The following TTLL5 variants were observed in gnomAD, a reference collection of about 807,000 sequenced individuals.
TTLL5 encodes the protein tubulin tyrosine ligase like 5.
In TTLL5, 132 loss-of-function variants were observed where a neutral mutation model predicts 168.4. That is an observed-to-expected ratio of 0.78 (90% CI 0.68 to 0.91). The LOEUF (loss-of-function observed/expected upper bound fraction) is 0.91, where lower values mean the gene tolerates loss of function less well. Ranked by LOEUF, TTLL5 falls within the 40% of genes least tolerant of loss-of-function variation. TTLL5 has a pLI of 0.00. For synonymous variants in TTLL5, 546 were observed against 558.6 expected (o/e 0.98, Z 0.32); for missense variants, 1,545 against 1,581.5 (o/e 0.98, Z 0.39).
In TTLL5 at chr14:75,719,840, CT is replaced by C; in HGVS notation, c.934+19del. 2 of 1,610,722 alleles carry C rather than the reference CT, an allele frequency of 1.2e-6. No individual in the cohort carries two copies. Among genetic ancestry groups the C allele is most frequent in the African/African-American group, 1.3e-5 (1 of 74,946 alleles). On this transcript the variant is annotated intron_variant, in intron 11 of 31. Coordinates refer to ENST00000298832, the MANE Select transcript of TTLL5 (RefSeq NM_015072.5). ...GAGATACAACCGGTGAGTACTGGGC[CT>C]TTTTCCTTCTTGACTTCTCTTCTTT...
intron 31 of TTLL5, among the ~76,000 whole-genome samples, chr14:75,946,542 C>G (rs768965683): frequency 3.9e-5 from 6 of 152,284 alleles, no homozygotes; most frequent in South Asian, 2.1e-4. Context: ...ACTCAATGTT[C>G]CAGTGAAGGT....
chr14:75,677,245 T>A (rs1311814838), intron 3 of TTLL5, among the ~76,000 whole-genome samples: 1 of 152,178 alleles, frequency 6.6e-6, no homozygotes, highest in African/African-American at 2.4e-5. Flanking sequence ...ATGCAGTAAC[T>A]ACTGTTATTA....
intron 27 of TTLL5, among the ~76,000 whole-genome samples, chr14:75,806,196 A>G (rs1893644965): frequency 6.6e-6 from 1 of 151,920 alleles, no homozygotes; most frequent in African/African-American, 2.4e-5. Flanking sequence ...ATGCCGGGCT[A>G]ATTTTTGTAT....
intron 7 of TTLL5, among the ~76,000 whole-genome samples, chr14:75,705,914 T>TA (rs1276130070): frequency 6.6e-6 from 1 of 152,094 alleles, no homozygotes; most frequent in Non-Finnish European, 1.5e-5. Context: ...GAATCCACAA[T>TA]AATTTCCTGC....
intron 31 of TTLL5, among the ~76,000 whole-genome samples, chr14:75,949,655 C>G (rs1233080293): frequency 1.3e-5 from 2 of 151,496 alleles, no homozygotes; most frequent in Admixed American, 6.6e-5. Flanking sequence ...TCAAGACCAG[C>G]CTGGGCAACA....
At chr14:75,906,732 T>G (rs1384750350) in intron 31 of TTLL5, 1 of 983,320 alleles carries the variant, frequency 1.0e-6, no homozygotes, top group Non-Finnish European at 1.2e-6. Context: ...GACTTTATAC[T>G]ACAGCAAGAG....
chr14:75,882,862 G>C lies in TTLL5; in HGVS notation c.3700G>C (p.Glu1234Gln). 1 of 1,614,048 alleles carries C rather than the reference G, an allele frequency of 6.2e-7. No homozygotes were observed. The highest frequency in any genetic ancestry group is 8.5e-7 in the Non-Finnish European group (1 of 1,180,002). Residue 1234 changes from glutamate (E) to glutamine (Q), a missense_variant, in exon 30 of 32, where the codon GAA becomes CAA. By Grantham distance (29) the Glu-to-Gln change is conservative. Transcript: ENST00000298832. ...GGTTCCCAAACCCCCACCCAACCAC[G>C]AACAAGTGCTCAGAAGGGCAACATC... ...SLVPKPPPNH[E>Q]QVLRRATSQK...
At chr14:75,862,620 G>A (rs2030112229) in intron 28 of TTLL5, among the ~76,000 whole-genome samples, 1 of 152,146 alleles carries the variant, frequency 6.6e-6, no homozygotes, top group Admixed American at 6.5e-5. Context: ...ACTTCTGCTA[G>A]GAAGTACACA....
intron 28 of TTLL5, among the ~76,000 whole-genome samples, chr14:75,856,268 C>T (rs1032079243): frequency 6.6e-6 from 1 of 152,128 alleles, no homozygotes; most frequent in African/African-American, 2.4e-5. Context: ...GAGGCTGAGG[C>T]AGGAGAATTG....
At chr14:75,724,876 G>A (rs1888093040) in intron 12 of TTLL5, among the ~76,000 whole-genome samples, 1 of 152,148 alleles carries the variant, frequency 6.6e-6, no homozygotes, top group African/African-American at 2.4e-5. Flanking sequence ...AGATACAACT[G>A]GCTATGAGAA....
At chr14:75,884,757 G>A (rs908554073) in intron 30 of TTLL5, among the ~76,000 whole-genome samples, 9 of 152,004 alleles carry the variant, frequency 5.9e-5, no homozygotes, top group Admixed American at 2.0e-4. Flanking sequence ...AATGTACAGC[G>A]TTTTGGGGAC....
chr14:75,700,866 A>C (rs1223024434), intron 7 of TTLL5, among the ~76,000 whole-genome samples: 4 of 151,996 alleles, frequency 2.6e-5, no homozygotes, highest in Non-Finnish European at 5.9e-5. Flanking sequence ...TGGGATTCTG[A>C]AATTTAACCA....
At chr14:75,776,886 T>G (rs1177434655) in intron 23 of TTLL5, 36 bp downstream of exon 23, 2 of 1,499,222 alleles carry the variant, frequency 1.3e-6, no homozygotes, top group South Asian at 2.3e-5. Context: ...AGCTGTCTTA[T>G]TCCATCTTCC....
chr14:75,887,551 T>A (rs1197458163), intron 30 of TTLL5, among the ~76,000 whole-genome samples: 3 of 152,212 alleles, frequency 2.0e-5, no homozygotes, highest in Non-Finnish European at 4.4e-5. Context: ...AAAATGTTTT[T>A]GGTAGAAGAT....
intron 31 of TTLL5, among the ~76,000 whole-genome samples, chr14:75,926,095 A>AGAGGGT (rs1207264099): frequency 1.5e-5 from 2 of 132,610 alleles, no homozygotes; most frequent in African/African-American, 5.9e-5. Flanking sequence ...GGGGAGAGGG[A>AGAGGGT]GAGGGAGAGG....
At chr14:75,707,550 T>G in intron 8 of TTLL5, 73 bp from the exon 9 acceptor site, 1 of 1,356,228 alleles carries the variant, frequency 7.4e-7, no homozygotes, top group South Asian at 1.3e-5. Flanking sequence ...GTTTCTTGGT[T>G]TCGTTGTTTA....
chr14:75,894,734 C>G (rs2032570480), intron 30 of TTLL5, among the ~76,000 whole-genome samples: 1 of 151,874 alleles, frequency 6.6e-6, no homozygotes, highest in Non-Finnish European at 1.5e-5. Flanking sequence ...AAGAGACATA[C>G]ATAAAGTAAA....
At chr14:75,740,876 G>A (rs1219506484) in intron 15 of TTLL5, among the ~76,000 whole-genome samples, 1 of 152,120 alleles carries the variant, frequency 6.6e-6, no homozygotes, top group Non-Finnish European at 1.5e-5. Flanking sequence ...TTGTAAAACT[G>A]CATTGGGAGA....
At chr14:75,683,101 CCTGTCTTGTTG>C (rs781511793) in intron 4 of TTLL5, among the ~76,000 whole-genome samples, 4 of 152,134 alleles carry the variant, frequency 2.6e-5, no homozygotes, top group Non-Finnish European at 4.4e-5. Flanking sequence ...CAGTTTGTAT[CCTGTCTTGTTG>C]CTGTTTTATT....
Sources: gnomAD v4.1 joint callset for allele counts (sites outside exome capture counted in the v4.1 genomes callset) on GRCh38, gnomAD v4.1.1 for gene constraint, MANE v1.5 for transcripts, NCBI Gene and HGNC (gene_info 2026-07-23, HGNC 2026-07-21) for gene names.